Variants in NR2F1-AS1 observed in about 807,000 individuals in gnomAD.
NR2F1-AS1 encodes the protein NR2F1 regulatory antisense RNA 1.
chr5:93,550,297 G>A (rs759536105), intron 4 of NR2F1-AS1, among the ~76,000 whole-genome samples: 4 of 151,980 alleles, frequency 2.6e-5, no homozygotes, highest in African/African-American at 7.3e-5. Flanking sequence ...CCCTTCATTC[G>A]GTTTAACGAA....
intron 4 of NR2F1-AS1, among the ~76,000 whole-genome samples, chr5:93,492,292 AGACT>A: frequency 6.6e-6 from 1 of 152,306 alleles, no homozygotes; most frequent in Middle Eastern, 3.4e-3. Context: ...CTTAACAGAC[AGACT>A]CAGTATTCAA....
chr5:93,416,631 G>T (rs1217064827), intron 4 of NR2F1-AS1, among the ~76,000 whole-genome samples: 3 of 152,100 alleles, frequency 2.0e-5, no homozygotes, highest in Non-Finnish European at 4.4e-5. Context: ...CCTGGAGCAG[G>T]TATTATCATA....
chr5:93,483,556 C>T (rs527926268), intron 4 of NR2F1-AS1, among the ~76,000 whole-genome samples: 1 of 152,270 alleles, frequency 6.6e-6, no homozygotes, highest in African/African-American at 2.4e-5. Flanking sequence ...CAAAGGATCA[C>T]TACTCCTCAC....
intron 4 of NR2F1-AS1, among the ~76,000 whole-genome samples, chr5:93,429,114 T>C (rs1272227767): frequency 2.6e-5 from 4 of 152,222 alleles, no homozygotes; most frequent in Admixed American, 6.5e-5. Context: ...GTTTGATGTA[T>C]GATACTTGAG....
chr5:93,488,120 A>C (rs1750765010), intron 4 of NR2F1-AS1, among the ~76,000 whole-genome samples: 1 of 152,238 alleles, frequency 6.6e-6, no homozygotes, highest in Non-Finnish European at 1.5e-5. Context: ...TAAATGTAAG[A>C]CCTAAAACCA....
At chr5:93,581,999 T>C (rs1427005466), upstream of NR2F1-AS1, among the ~76,000 whole-genome samples, 16 of 96,232 alleles carry the variant, frequency 1.7e-4, no homozygotes, top group South Asian at 4.2e-3. Context: ...TCCCCTCTCC[T>C]CTCTTCTCTC....
At chr5:93,523,524 T>G (rs1356729095) in intron 4 of NR2F1-AS1, among the ~76,000 whole-genome samples, 1 of 152,134 alleles carries the variant, frequency 6.6e-6, no homozygotes, top group Non-Finnish European at 1.5e-5. Flanking sequence ...CCTCCTCAAG[T>G]GGGTCCCTGA....
intron 4 of NR2F1-AS1, among the ~76,000 whole-genome samples, chr5:93,522,982 G>A (rs1048351815): frequency 1.3e-5 from 2 of 151,840 alleles, no homozygotes; most frequent in Non-Finnish European, 2.9e-5. Context: ...GTGGTGCCTG[G>A]AACACCAGTG....
intron 4 of NR2F1-AS1, among the ~76,000 whole-genome samples, chr5:93,423,728 C>T (rs1749138295): frequency 1.3e-5 from 2 of 152,182 alleles, no homozygotes; most frequent in South Asian, 4.1e-4. Flanking sequence ...TTCACTCAAA[C>T]ATTTACCGTG....
intron 4 of NR2F1-AS1, among the ~76,000 whole-genome samples, chr5:93,513,720 G>A (rs1453788048): frequency 6.6e-6 from 1 of 152,084 alleles, no homozygotes; most frequent in Non-Finnish European, 1.5e-5. Context: ...TCATTACCCG[G>A]TTGACAGGAT....
chr5:93,569,188 C>A (rs942326753), intron 1 of NR2F1-AS1, among the ~76,000 whole-genome samples: 2 of 152,008 alleles, frequency 1.3e-5, no homozygotes, highest in Non-Finnish European at 2.9e-5. Flanking sequence ...CTCTCTGGAC[C>A]CTAAAATTTC....
chr5:93,519,009 C>T (rs1751450073), intron 4 of NR2F1-AS1, among the ~76,000 whole-genome samples: 2 of 151,946 alleles, frequency 1.3e-5, no homozygotes, highest in Admixed American at 6.6e-5. Context: ...CTTAAGTGGC[C>T]TCTTTCTGAG....
intron 4 of NR2F1-AS1, among the ~76,000 whole-genome samples, chr5:93,487,904 A>G (rs912736346): frequency 1.5e-4 from 23 of 152,144 alleles, no homozygotes; most frequent in African/African-American, 5.3e-4. Flanking sequence ...ATATAGACCA[A>G]TGGAACAGAA....
intron 4 of NR2F1-AS1, among the ~76,000 whole-genome samples, chr5:93,521,061 G>A (rs892347386): frequency 2.6e-5 from 4 of 152,024 alleles, no homozygotes; most frequent in Non-Finnish European, 5.9e-5. Context: ...CAGAAGTAAC[G>A]CCACACACCT....
intron 4 of NR2F1-AS1, among the ~76,000 whole-genome samples, chr5:93,550,965 G>C (rs1752212850): frequency 7.0e-6 from 1 of 142,610 alleles, no homozygotes; most frequent in Non-Finnish European, 1.5e-5. Context: ...AAATTCTTAG[G>C]TTTTTTTTTT....
chr5:93,427,755 T>TA (rs549536791), intron 4 of NR2F1-AS1, among the ~76,000 whole-genome samples: 86 of 152,258 alleles, frequency 5.6e-4, no homozygotes, highest in African/African-American at 2.0e-3. Context: ...ACATGTAAAT[T>TA]AAAAAAATAC....
chr5:93,550,439 T>A (rs1466734360), intron 4 of NR2F1-AS1, among the ~76,000 whole-genome samples: 1 of 152,216 alleles, frequency 6.6e-6, no homozygotes, highest in Non-Finnish European at 1.5e-5. Context: ...AAATTGGGTA[T>A]TTAGGGAAAA....
At chr5:93,453,414 C>T (rs1256276525) in intron 4 of NR2F1-AS1, among the ~76,000 whole-genome samples, 1 of 151,710 alleles carries the variant, frequency 6.6e-6, no homozygotes, top group African/African-American at 2.4e-5. Context: ...TTTCTAAATT[C>T]TGTAAAAATA....
chr5:93,487,630 G>C (rs1750753694), intron 4 of NR2F1-AS1, among the ~76,000 whole-genome samples: 1 of 152,180 alleles, frequency 6.6e-6, no homozygotes, highest in Admixed American at 6.5e-5. Flanking sequence ...CATGCTCATG[G>C]ATAGGAAGAA....
Sources: gnomAD v4.1 joint callset for allele counts (sites outside exome capture counted in the v4.1 genomes callset) on GRCh38, gnomAD v4.1.1 for gene constraint, MANE v1.5 for transcripts, NCBI Gene and HGNC (gene_info 2026-07-23, HGNC 2026-07-21) for gene names.